Variants in GALNT7 observed in about 807,000 individuals in gnomAD.
GALNT7 encodes the protein polypeptide N-acetylgalactosaminyltransferase 7.
In GALNT7, 60 loss-of-function variants were observed where a neutral mutation model predicts 82.1. That is an observed-to-expected ratio of 0.73 (90% CI 0.59 to 0.91). GALNT7 has a LOEUF of 0.91. GALNT7 is among the 40% of genes least tolerant of loss of function. GALNT7 has a pLI of 0.00. For missense variants in GALNT7, 660 were observed against 804.2 expected, an observed-to-expected ratio of 0.82 and a Z score of 2.17; for synonymous variants, 243 against 275.1, an observed-to-expected ratio of 0.88 and a Z score of 1.15.
chr4:173,196,100 T>C (rs978642425), intron 1 of GALNT7, among the ~76,000 whole-genome samples: 1 of 151,856 alleles, frequency 6.6e-6, no homozygotes, highest in African/African-American at 2.4e-5. Context: ...GTTCATATTT[T>C]AATACAGAAG....
intron 1 of GALNT7, among the ~76,000 whole-genome samples, chr4:173,223,710 C>G (rs1733712449): frequency 2.0e-5 from 3 of 152,070 alleles, no homozygotes; most frequent in Non-Finnish European, 4.4e-5. Flanking sequence ...ATACAAAAAG[C>G]TGAAAGACTA....
At chr4:173,200,204 T>C (rs1404776023) in intron 1 of GALNT7, among the ~76,000 whole-genome samples, 1 of 152,224 alleles carries the variant, frequency 6.6e-6, no homozygotes, top group Non-Finnish European at 1.5e-5. Context: ...TTAATCTAAT[T>C]GCATCCTATT....
At chr4:173,281,581 G>C (rs912454474) in intron 2 of GALNT7, among the ~76,000 whole-genome samples, 2 of 152,184 alleles carry the variant, frequency 1.3e-5, no homozygotes, top group Non-Finnish European at 2.9e-5. Flanking sequence ...ACAGCCAAGG[G>C]AGACTGCACA....
intron 2 of GALNT7, among the ~76,000 whole-genome samples, chr4:173,258,260 C>G (rs917975234): frequency 2.6e-5 from 4 of 152,146 alleles, no homozygotes; most frequent in African/African-American, 9.7e-5. Flanking sequence ...GTCTCTGGCT[C>G]CAGGGTCATA....
chr4:173,216,303 A>C (rs1441348257), intron 1 of GALNT7, among the ~76,000 whole-genome samples: 1 of 152,216 alleles, frequency 6.6e-6, no homozygotes, highest in African/African-American at 2.4e-5. Flanking sequence ...TAATCAGCCA[A>C]ATCAGTCGAA....
intron 1 of GALNT7, among the ~76,000 whole-genome samples, chr4:173,221,785 T>G (rs1310633107): frequency 6.6e-6 from 1 of 152,236 alleles, no homozygotes; most frequent in Non-Finnish European, 1.5e-5. Flanking sequence ...AGTTTTGCTG[T>G]CACATCTAGA....
intron 2 of GALNT7, among the ~76,000 whole-genome samples, chr4:173,281,807 C>G (rs1476403850): frequency 6.6e-6 from 1 of 152,222 alleles, no homozygotes; most frequent in Non-Finnish European, 1.5e-5. Flanking sequence ...AGAGCTTCTA[C>G]TTCCCTTTTC....
intron 9 of GALNT7, chr4:173,316,190 C>G (rs1421374168): frequency 1.3e-5 from 2 of 152,348 alleles, no homozygotes; most frequent in African/African-American, 4.8e-5. Flanking sequence ...TGCTACTGCT[C>G]TCCCCACTCC....
intron 2 of GALNT7, 73 bp downstream of exon 2, chr4:173,248,513 T>C: frequency 1.1e-6 from 1 of 900,262 alleles, no homozygotes; most frequent in Non-Finnish European, 1.7e-6. Context: ...TTAGTTAGAT[T>C]GTTAGAATGA....
chr4:173,204,436 C>T (rs1733029461), intron 1 of GALNT7, among the ~76,000 whole-genome samples: 1 of 152,166 alleles, frequency 6.6e-6, no homozygotes, highest in Non-Finnish European at 1.5e-5. Flanking sequence ...GCCTTTGACT[C>T]TCTTCTTCAA....
rs200557739 is a variant in GALNT7 at position 173,313,942 on chromosome 4, TA to T, written c.1390-15del. 2,103 of 1,069,200 alleles carry T rather than the reference TA, an allele frequency of 2.0e-3. 7 individuals carry two copies. Among genetic ancestry groups the T allele is most frequent in the African/African-American group, 9.4e-3 (503 of 53,588 alleles). The allele number at this position is 1,069,200 out of a possible 1,614,324, so 66.2% of individuals were successfully genotyped here. On this transcript the variant is annotated splice_polypyrimidine_tract_variant and intron_variant, in intron 8 of 11. Coordinates refer to ENST00000265000, the MANE Select transcript of GALNT7 (RefSeq NM_017423.3). ...ATTTTTATAACGATATATATATATA[TA>T]TTTTTTTTTTACAGAATTATGTTAG... is the stretch of plus-strand genomic sequence containing the variant.
intron 1 of GALNT7, among the ~76,000 whole-genome samples, chr4:173,230,307 A>G (rs1204411304): frequency 6.8e-6 from 1 of 146,948 alleles, no homozygotes; most frequent in African/African-American, 2.5e-5. Context: ...ATATTCTTTC[A>G]GTTAATGGGT....
intron 2 of GALNT7, among the ~76,000 whole-genome samples, chr4:173,266,877 G>GTA (rs1411997823): frequency 9.5e-6 from 1 of 105,078 alleles, no homozygotes; most frequent in Non-Finnish European, 2.0e-5. Flanking sequence ...GGGTGTGTGT[G>GTA]TGTGTGTGTG....
chr4:173,277,525 G>T (rs1735957634), intron 2 of GALNT7, among the ~76,000 whole-genome samples: 1 of 152,168 alleles, frequency 6.6e-6, no homozygotes, highest in South Asian at 2.1e-4. Flanking sequence ...TGTGCACTCT[G>T]AGTCCATTTT....
At chr4:173,257,404 A>G (rs1735082866) in intron 2 of GALNT7, among the ~76,000 whole-genome samples, 1 of 152,224 alleles carries the variant, frequency 6.6e-6, no homozygotes. Flanking sequence ...TGCTCATTTT[A>G]AGCTGAATAT....
intron 1 of GALNT7, among the ~76,000 whole-genome samples, chr4:173,224,662 T>C (rs183635359): frequency 2.0e-5 from 3 of 152,290 alleles, no homozygotes; most frequent in Non-Finnish European, 4.4e-5. Context: ...ACAATAAAAT[T>C]CTGAACGAAG....
chr4:173,234,019 G>A (rs549612875), intron 1 of GALNT7, among the ~76,000 whole-genome samples: 1 of 152,238 alleles, frequency 6.6e-6, no homozygotes, highest in African/African-American at 2.4e-5. Flanking sequence ...CCATTACCCT[G>A]CCAAAACAGC....
At chr4:173,291,993 T>C in intron 2 of GALNT7, 115 bp from the exon 3 acceptor site, 1 of 631,922 alleles carries the variant, frequency 1.6e-6, no homozygotes, top group Non-Finnish European at 2.8e-6. Flanking sequence ...CTATATTTCA[T>C]TCACTTACCG....
At position 173,322,019 on chromosome 4, in the gene GALNT7, A is replaced by G. The variant is rs1737837523; in HGVS notation, c.*302A>G. On this transcript the variant is annotated 3_prime_UTR_variant, in exon 12 of 12. Transcript: ENST00000265000. ...CTGTTTTATTAGACAGAGTTAAAGCATGTTGTCTTCTTTGGGATTACACTC... is the reference window on the plus strand; with the variant it reads ...CTGTTTTATTAGACAGAGTTAAAGCGTGTTGTCTTCTTTGGGATTACACTC... 1 of 203,626 alleles carries G rather than the reference A, an allele frequency of 4.9e-6. No homozygotes were observed. Among genetic ancestry groups the G allele is most frequent in the Non-Finnish European group, 1.0e-5 (1 of 98,818 alleles). 12.6% of individuals were successfully genotyped at this position (203,626 alleles called of 1,614,324 possible). A position where few individuals can be genotyped will look rare whatever the true frequency, so the allele number is the denominator to read the frequency against.
Sources: gnomAD v4.1 joint callset for allele counts (sites outside exome capture counted in the v4.1 genomes callset) on GRCh38, gnomAD v4.1.1 for gene constraint, MANE v1.5 for transcripts, NCBI Gene and HGNC (gene_info 2026-07-23, HGNC 2026-07-21) for gene names.